Variants in CAMK4 observed in about 807,000 individuals in gnomAD.
CAMK4 encodes calcium/calmodulin-dependent protein kinase type IV.
A neutral mutation model predicts 44.9 loss-of-function variants in CAMK4; 22 were observed. The ratio of observed to expected loss-of-function variants is 0.49; its 90% confidence interval spans 0.35 to 0.70. The LOEUF (loss-of-function observed/expected upper bound fraction) is 0.70, where lower values mean the gene tolerates loss of function less well. Among genes scored for constraint, CAMK4 ranks in the 30% least tolerant of loss-of-function variants. The pLI is 0.01. For missense variants in CAMK4, 498 were observed against 586.8 expected (o/e 0.85, Z 1.56); for synonymous variants, 218 against 215.4 (o/e 1.01, Z -0.11).
intron 1 of CAMK4, among the ~76,000 whole-genome samples, chr5:111,301,795 A>C (rs1005088215): frequency 1.3e-5 from 2 of 152,100 alleles, no homozygotes; most frequent in Non-Finnish European, 2.9e-5. Context: ...TTATAGATTA[A>C]GTTTTATTTT....
intron 8 of CAMK4, among the ~76,000 whole-genome samples, chr5:111,476,267 GTGTT>G (rs1338173340): frequency 3.1e-4 from 42 of 133,496 alleles, no homozygotes; most frequent in African/African-American, 6.0e-4. Flanking sequence ...GTGTGTGTGT[GTGTT>G]TGTGTGTGTG....
intron 10 of CAMK4, among the ~76,000 whole-genome samples, chr5:111,483,580 T>C (rs1387133251): frequency 6.6e-6 from 1 of 152,142 alleles, no homozygotes; most frequent in Non-Finnish European, 1.5e-5. Context: ...CATGGTCAAA[T>C]TAATTATAAA....
chr5:111,337,507 T>G (rs79306818), intron 1 of CAMK4, among the ~76,000 whole-genome samples: 3 of 123,156 alleles, frequency 2.4e-5, no homozygotes, highest in Admixed American at 1.5e-4. Flanking sequence ...CTTGCCAGCC[T>G]TTTTTTTTTT....
chr5:111,462,780 A>G (rs1017712820), intron 7 of CAMK4, among the ~76,000 whole-genome samples: 3 of 152,172 alleles, frequency 2.0e-5, no homozygotes, highest in African/African-American at 7.2e-5. Flanking sequence ...GCCATATCTG[A>G]TGCTTTTTAT....
intron 1 of CAMK4, among the ~76,000 whole-genome samples, chr5:111,318,290 C>A (rs1748518809): frequency 6.6e-6 from 1 of 152,022 alleles, no homozygotes; most frequent in East Asian, 1.9e-4. Flanking sequence ...TCTTTATGAT[C>A]CACATGGCTG....
chr5:111,338,900 C>T (rs1157695758), intron 1 of CAMK4, among the ~76,000 whole-genome samples: 1 of 151,340 alleles, frequency 6.6e-6, no homozygotes, highest in Non-Finnish European at 1.5e-5. Flanking sequence ...TAATGTGATG[C>T]CTCCGGCTTT....
chr5:111,293,646 C>T (rs1248454395), intron 1 of CAMK4, among the ~76,000 whole-genome samples: 3 of 151,480 alleles, frequency 2.0e-5, no homozygotes, highest in South Asian at 2.1e-4. Flanking sequence ...AGGCTGGTCT[C>T]GAACTACTGA....
chr5:111,335,410 C>G (rs1190549989), intron 1 of CAMK4, among the ~76,000 whole-genome samples: 1 of 151,280 alleles, frequency 6.6e-6, no homozygotes, highest in African/African-American at 2.4e-5. Context: ...ATCTGTCTCT[C>G]AGCTAGTGGG....
intron 2 of CAMK4, among the ~76,000 whole-genome samples, chr5:111,361,695 C>T (rs1750598104): frequency 6.6e-6 from 1 of 151,916 alleles, no homozygotes; most frequent in Non-Finnish European, 1.5e-5. Flanking sequence ...TGTCTTAAAA[C>T]CTCCCTAAAG....
intron 2 of CAMK4, among the ~76,000 whole-genome samples, chr5:111,360,163 T>C (rs1750532623): frequency 6.6e-6 from 1 of 152,090 alleles, no homozygotes; most frequent in Non-Finnish European, 1.5e-5. Flanking sequence ...AAATTTCCAG[T>C]CAAAGATATC....
chr5:111,409,423 C>A (rs1158212776), intron 5 of CAMK4, among the ~76,000 whole-genome samples: 1 of 152,204 alleles, frequency 6.6e-6, no homozygotes, highest in Non-Finnish European at 1.5e-5. Flanking sequence ...CCATATACCC[C>A]AGACTGCACA....
intron 9 of CAMK4, among the ~76,000 whole-genome samples, chr5:111,479,730 A>G (rs1755365955): frequency 6.6e-6 from 1 of 152,096 alleles, no homozygotes; most frequent in African/African-American, 2.4e-5. Flanking sequence ...CATGGAACAG[A>G]TTCCCTAAGG....
intron 1 of CAMK4, chr5:111,266,238 A>G (rs1180728007): frequency 6.7e-6 from 1 of 150,224 alleles, no homozygotes; most frequent in East Asian, 1.9e-4. Context: ...ACACACACAC[A>G]CACAGAAAGA....
intron 5 of CAMK4, among the ~76,000 whole-genome samples, chr5:111,420,367 C>G (rs944405924): frequency 6.6e-6 from 1 of 152,016 alleles, no homozygotes; most frequent in East Asian, 1.9e-4. Flanking sequence ...TCTAGATATA[C>G]AATCATGTCA....
intron 1 of CAMK4, among the ~76,000 whole-genome samples, chr5:111,251,240 C>T (rs1749476638): frequency 1.3e-5 from 2 of 152,268 alleles, no homozygotes; most frequent in South Asian, 2.1e-4. Flanking sequence ...CCTCCACAGT[C>T]TGTTGTGCTC....
chr5:111,345,795 G>A (rs1448083210), intron 2 of CAMK4, among the ~76,000 whole-genome samples: 1 of 152,070 alleles, frequency 6.6e-6, no homozygotes, highest in African/African-American at 2.4e-5. Flanking sequence ...ACGTATATTC[G>A]TTGGGCAAGT....
intron 5 of CAMK4, among the ~76,000 whole-genome samples, chr5:111,439,737 G>A (rs1327320797): frequency 6.6e-6 from 1 of 152,148 alleles, no homozygotes; most frequent in East Asian, 1.9e-4. Context: ...GTTTGGATGA[G>A]CTCACCCTGG....
chr5:111,308,451 C>A (rs1748038545), intron 1 of CAMK4, among the ~76,000 whole-genome samples: 1 of 152,106 alleles, frequency 6.6e-6, no homozygotes, highest in African/African-American at 2.4e-5. Flanking sequence ...ATCAGTGTTT[C>A]CTTTAAAAAC....
In CAMK4 at chr5:111,462,137, T is replaced by G. The variant is rs528639580; in HGVS notation, c.626-11174T>G. On this transcript the variant is annotated intron_variant, in intron 7 of 10. Transcript: ENST00000282356. Reference sequence around the variant, plus strand: ...TTCTTCCTGCCACAGGGTCTTTGCATAACTTTTTCCACTTGCAAGTCTATT... The same window carrying G: ...TTCTTCCTGCCACAGGGTCTTTGCAGAACTTTTTCCACTTGCAAGTCTATT... Among the ~76,000 whole-genome samples, 11 of 152,296 alleles carry G rather than the reference T, an allele frequency of 7.2e-5. No individual in the cohort carries two copies. In the South Asian group the frequency reaches 1.2e-3, roughly 17 times the overall value.
Sources: gnomAD v4.1 joint callset for allele counts (sites outside exome capture counted in the v4.1 genomes callset) on GRCh38, gnomAD v4.1.1 for gene constraint, MANE v1.5 for transcripts, NCBI Gene and HGNC (gene_info 2026-07-23, HGNC 2026-07-21) for gene names.